PTPRO: variants seen among roughly 807,000 people sequenced by gnomAD.
PTPRO encodes protein tyrosine phosphatase receptor type O.
In PTPRO, 62 loss-of-function variants were observed where a neutral mutation model predicts 145.2. The observed-to-expected ratio is 0.43, with a 90% CI of 0.35 to 0.53. The LOEUF is 0.53. PTPRO is among the 20% of genes least tolerant of loss of function. The pLI is 0.01. For synonymous variants in PTPRO, 565 were observed against 514.7 expected (o/e 1.10, Z -1.32); for missense variants, 1,345 against 1,482.7 (o/e 0.91, Z 1.53).
intron 1 of PTPRO, among the ~76,000 whole-genome samples, chr12:15,424,755 C>A (rs1940237519): frequency 6.6e-6 from 1 of 151,992 alleles, no homozygotes; most frequent in Non-Finnish European, 1.5e-5. Flanking sequence ...AGCAGGCCAT[C>A]TCAAGCAGAG....
At chr12:15,549,359 CACTT>C in intron 14 of PTPRO, 133 bp downstream of exon 14, 1 of 663,284 alleles carries the variant, frequency 1.5e-6, no homozygotes, top group African/African-American at 1.9e-5. Flanking sequence ...TCCCAAAGTG[CACTT>C]ACTAGCTATG....
chr12:15,322,867 C>CTCTG lies in PTPRO; in HGVS notation c.75+67_75+70dup. ...CGGCAGCCGCGCTCCGGCGCCCTCG[C>CTCTG]TCTGCCGTTGGGAGCGGCGCGCCCC... On this transcript the variant is annotated intron_variant, in intron 1 of 26. Transcript: ENST00000281171. This position sits in a 1 kb window ranked among gnomAD's most constrained non-coding sequence, Gnocchi z 6.3. The CTCTG allele has an allele frequency of 6.5e-7, 1 of 1,535,166 alleles. No individual in the cohort carries two copies. Among genetic ancestry groups the CTCTG allele is most frequent in the Non-Finnish European group, 8.9e-7 (1 of 1,127,486 alleles).
At position 15,322,864 on chromosome 12, in the gene PTPRO, T is replaced by C; in HGVS notation, c.75+63T>C. The C allele has an allele frequency of 1.9e-6, 3 of 1,541,578 alleles. No individual in the cohort carries two copies. The highest frequency in any genetic ancestry group is 2.3e-5 in the South Asian group (2 of 86,024). ...GGGCGGCAGCCGCGCTCCGGCGCCC[T>C]CGCTCTGCCGTTGGGAGCGGCGCGC... On this transcript the variant is annotated intron_variant, in intron 1 of 26. Transcript: ENST00000281171. The surrounding 1 kb of genome is among the most constrained non-coding windows in gnomAD (Gnocchi z 6.3).
intron 1 of PTPRO, among the ~76,000 whole-genome samples, chr12:15,382,098 A>G (rs1938879313): frequency 1.3e-5 from 2 of 151,014 alleles, no homozygotes; most frequent in South Asian, 2.1e-4. Context: ...ATTTTATTCA[A>G]GAGTATAATT....
chr12:15,591,531 C>G (rs530770824), intron 25 of PTPRO, among the ~76,000 whole-genome samples: 2 of 152,174 alleles, frequency 1.3e-5, no homozygotes. Context: ...CACCATGTCG[C>G]TTTCTGCAAA....
At chr12:15,556,203 A>G (rs1230397950) in intron 15 of PTPRO, among the ~76,000 whole-genome samples, 2 of 152,222 alleles carry the variant, frequency 1.3e-5, no homozygotes, top group African/African-American at 4.8e-5. Flanking sequence ...TATATAGGAA[A>G]TTGACATAGG....
At chr12:15,409,014 A>G (rs2136309775) in intron 1 of PTPRO, among the ~76,000 whole-genome samples, 1 of 152,190 alleles carries the variant, frequency 6.6e-6, no homozygotes, top group South Asian at 2.1e-4. Context: ...GAATAATTAT[A>G]TTTCCATTTC....
At position 15,331,419 on chromosome 12, in the gene PTPRO, A is replaced by G. The variant is rs534034831; in HGVS notation, c.75+8618A>G. 4.6e-5 allele frequency among the ~76,000 whole-genome samples: 7 copies of G among 152,324 alleles called. No individual in the cohort carries two copies. In the South Asian group the frequency reaches 8.3e-4, roughly 18 times the overall value. On this transcript the variant is annotated intron_variant, in intron 1 of 26. Coordinates refer to ENST00000281171, the MANE Select transcript of PTPRO (RefSeq NM_030667.3). ...GTGAGATCAGAGAGACCTGAAGTCA[A>G]TATCAATTCTCCACTATGCTATTTA...
At chr12:15,544,716 T>TCAAGTTCCA (rs1344547938) in intron 12 of PTPRO, among the ~76,000 whole-genome samples, 1 of 152,146 alleles carries the variant, frequency 6.6e-6, no homozygotes, top group Admixed American at 6.5e-5. Flanking sequence ...TTCTATAGAT[T>TCAAGTTCCA]CAAGTTCCAC....
At chr12:15,334,828 A>T (rs1369590447) in intron 1 of PTPRO, among the ~76,000 whole-genome samples, 1 of 152,146 alleles carries the variant, frequency 6.6e-6, no homozygotes, top group African/African-American at 2.4e-5. Context: ...TAGCATTAAT[A>T]ATTCTTTAAT....
intron 1 of PTPRO, chr12:15,346,623 G>GT (rs1867223651): frequency 1.3e-5 from 2 of 152,136 alleles, no homozygotes; most frequent in African/African-American, 4.8e-5. Flanking sequence ...AATACCGAAT[G>GT]GTCTATTTGG....
chr12:15,569,774 G>A (rs768432930), intron 19 of PTPRO, among the ~76,000 whole-genome samples: 1 of 152,190 alleles, frequency 6.6e-6, no homozygotes, highest in African/African-American at 2.4e-5. Context: ...TTGAAAACCA[G>A]GGAAATCGAG....
rs540860976 is a variant in PTPRO at position 15,566,837 on chromosome 12, A to G, written c.2747+1209A>G. 8.5e-5 allele frequency among the ~76,000 whole-genome samples: 13 copies of G among 152,246 alleles called. 1 individual carries two copies. In the South Asian group the frequency reaches 2.7e-3, roughly 32 times the overall value. The stretch of plus-strand genomic sequence containing the variant: ...TGTCCAGCCTCTAAGTCAATTTCAA[A>G]CCAGCATACATTCCACTGGCTTATA... On this transcript the variant is annotated intron_variant, in intron 18 of 26. Coordinates refer to ENST00000281171, the MANE Select transcript of PTPRO (RefSeq NM_030667.3).
intron 17 of PTPRO, among the ~76,000 whole-genome samples, chr12:15,564,992 A>G (rs1296576177): frequency 6.6e-6 from 1 of 152,222 alleles, no homozygotes; most frequent in Non-Finnish European, 1.5e-5. Context: ...TTGAGCTTAT[A>G]GACTAGTAAT....
intron 6 of PTPRO, among the ~76,000 whole-genome samples, chr12:15,504,426 T>C (rs891562799): frequency 2.6e-5 from 4 of 152,178 alleles, no homozygotes; most frequent in Non-Finnish European, 5.9e-5. Context: ...ATTATAGGAC[T>C]GTGAAAAATC....
chr12:15,516,336 C>CAAA (rs548537781), intron 8 of PTPRO, among the ~76,000 whole-genome samples: 692 of 62,518 alleles, frequency 0.011, 7 homozygotes, highest in African/African-American at 0.039. Flanking sequence ...GACCCTGTCT[C>CAAA]AAAAAAAAAA....
At chr12:15,452,600 A>G (rs1044716526) in intron 1 of PTPRO, among the ~76,000 whole-genome samples, 1 of 152,234 alleles carries the variant, frequency 6.6e-6, no homozygotes. Flanking sequence ...AGTCCTTAAC[A>G]AAATACTAGC....
chr12:15,546,330 A>C, intron 12 of PTPRO: 1 of 1,348,328 alleles, frequency 7.4e-7, no homozygotes, highest in Middle Eastern at 2.9e-4. Context: ...TGAAGTAGAA[A>C]ACAGAAGTGT....
chr12:15,423,404 TCATAAATATTTTC>T (rs1940199839), intron 1 of PTPRO, among the ~76,000 whole-genome samples: 1 of 152,294 alleles, frequency 6.6e-6, no homozygotes, highest in African/African-American at 2.4e-5. Context: ...TGGTTTGTAA[TCATAAATATTTTC>T]CATATTTAAT....
Sources: allele counts gnomAD v4.1 joint callset (sites outside exome capture counted in the v4.1 genomes callset), GRCh38; gene constraint gnomAD v4.1.1; non-coding constraint Gnocchi (gnomAD v3.1); transcripts MANE v1.5; gene names NCBI Gene and HGNC (gene_info 2026-07-23, HGNC 2026-07-21).